The following RALYL variants were observed in gnomAD, a reference collection of about 807,000 sequenced individuals.
RALYL encodes the protein RNA-binding Raly-like protein.
Under a neutral mutation model 35.1 loss-of-function variants are expected in RALYL, and 29 were observed. The observed-to-expected ratio is 0.83, with a 90% CI of 0.61 to 1.13. RALYL has a LOEUF of 1.13. RALYL is among the 50% of genes most tolerant of loss of function. The pLI, the probability that RALYL is intolerant of heterozygous loss-of-function variation, is 0.00. For synonymous variants in RALYL, 120 were observed against 127.6 expected (o/e 0.94, Z 0.40); for missense variants, 359 against 360.4 (o/e 1.00, Z 0.03).
At chr8:84,221,621 G>A (rs1822233587) in intron 1 of RALYL, among the ~76,000 whole-genome samples, 1 of 151,982 alleles carries the variant, frequency 6.6e-6, no homozygotes, top group Non-Finnish European at 1.5e-5. Context: ...GGTACTGTAT[G>A]TCAAATATTC....
At chr8:84,433,141 G>A (rs1057436529) in intron 1 of RALYL, among the ~76,000 whole-genome samples, 2 of 152,132 alleles carry the variant, frequency 1.3e-5, no homozygotes, top group Non-Finnish European at 1.5e-5. Context: ...CTTCCTGTGT[G>A]TAATTTGCTA....
At chr8:84,319,880 CT>C (rs1310179180) in intron 1 of RALYL, among the ~76,000 whole-genome samples, 16 of 151,882 alleles carry the variant, frequency 1.1e-4, no homozygotes, top group African/African-American at 3.4e-4. Flanking sequence ...AATATAAATT[CT>C]TTAAGGTAAT....
chr8:84,702,565 A>ACACT (rs766882125), intron 2 of RALYL, among the ~76,000 whole-genome samples: 18 of 149,186 alleles, frequency 1.2e-4, no homozygotes, highest in Non-Finnish European at 2.4e-4. Flanking sequence ...ACACACACAC[A>ACACT]CTCATTCTTT....
chr8:84,750,998 G>A (rs1467222823), intron 2 of RALYL, among the ~76,000 whole-genome samples: 1 of 152,124 alleles, frequency 6.6e-6, no homozygotes, highest in East Asian at 1.9e-4. Context: ...AGGAAAGAAA[G>A]TGACTATAGT....
intron 3 of RALYL, among the ~76,000 whole-genome samples, chr8:84,794,025 G>T (rs924786261): frequency 2.6e-5 from 4 of 152,232 alleles, no homozygotes; most frequent in African/African-American, 9.7e-5. Context: ...ATCAGAGATG[G>T]TGAGGTTGAA....
chr8:84,469,295 T>C (rs1337479267), intron 1 of RALYL, among the ~76,000 whole-genome samples: 1 of 152,216 alleles, frequency 6.6e-6, no homozygotes, highest in East Asian at 1.9e-4. Context: ...TGGTCTTTGA[T>C]GATGGTGATG....
chr8:84,843,907 C>A (rs540326366), intron 4 of RALYL, among the ~76,000 whole-genome samples: 141 of 152,294 alleles, frequency 9.3e-4, no homozygotes, highest in African/African-American at 3.2e-3. Flanking sequence ...GGAAAACTGG[C>A]TAGCCATATG....
chr8:84,417,113 CAAA>C (rs1271233195), intron 1 of RALYL, among the ~76,000 whole-genome samples: 2 of 105,828 alleles, frequency 1.9e-5, no homozygotes, highest in Non-Finnish European at 1.9e-5. Flanking sequence ...GGAATTAGAA[CAAA>C]AAAAAAAAAA....
intron 2 of RALYL, among the ~76,000 whole-genome samples, chr8:84,581,059 G>C (rs1477939384): frequency 1.3e-5 from 2 of 152,136 alleles, no homozygotes; most frequent in African/African-American, 4.8e-5. Context: ...CCTCCTCACT[G>C]CTTGGCATCT....
At chr8:84,225,928 G>C (rs1238717667) in intron 1 of RALYL, among the ~76,000 whole-genome samples, 1 of 152,152 alleles carries the variant, frequency 6.6e-6, no homozygotes, top group African/African-American at 2.4e-5. Flanking sequence ...ATGAATGACT[G>C]AGAAGAAATG....
At chr8:84,618,472 A>G (rs2131010686) in intron 2 of RALYL, among the ~76,000 whole-genome samples, 1 of 146,582 alleles carries the variant, frequency 6.8e-6, no homozygotes, top group Admixed American at 6.8e-5. Context: ...CGTCTATTTG[A>G]TTCTTCTCTC....
chr8:84,575,276 A>G (rs1225240781), intron 2 of RALYL, among the ~76,000 whole-genome samples: 2 of 152,194 alleles, frequency 1.3e-5, no homozygotes, highest in Non-Finnish European at 2.9e-5. Flanking sequence ...ACATAAACAT[A>G]AAATCTTGTA....
In RALYL at chr8:84,596,647, T is replaced by C. The variant is rs564466239; in HGVS notation, c.256+67070T>C. On this transcript the variant is annotated intron_variant, in intron 2 of 8. Coordinates refer to ENST00000521268, the MANE Select transcript of RALYL (RefSeq NM_173848.7). ...GTCAACCCAACCCAAACTGCAGAAG[T>C]GAGTTACTTTTCTCAGTGTCTGTGG... Among the ~76,000 whole-genome samples, 17 of 152,190 alleles carry C rather than the reference T, an allele frequency of 1.1e-4. No individual in the cohort carries two copies. In the South Asian group the frequency reaches 3.5e-3, roughly 32 times the overall value.
At chr8:84,874,128 T>C (rs1319214923) in intron 7 of RALYL, among the ~76,000 whole-genome samples, 1 of 152,174 alleles carries the variant, frequency 6.6e-6, no homozygotes, top group Non-Finnish European at 1.5e-5. Flanking sequence ...GGAGTTAAGA[T>C]GGGGATTAGG....
intron 1 of RALYL, among the ~76,000 whole-genome samples, chr8:84,513,595 T>C (rs2057800747): frequency 6.6e-6 from 1 of 152,194 alleles, no homozygotes; most frequent in African/African-American, 2.4e-5. Flanking sequence ...TGGACTTTGT[T>C]GCTGACATTT....
At chr8:84,816,286 A>C (rs1191152953) in intron 4 of RALYL, among the ~76,000 whole-genome samples, 1 of 152,114 alleles carries the variant, frequency 6.6e-6, no homozygotes, top group Non-Finnish European at 1.5e-5. Context: ...CCTTGCAGAC[A>C]CTGAGCCACT....
chr8:84,496,831 C>A (rs1277872112), intron 1 of RALYL, among the ~76,000 whole-genome samples: 1 of 152,026 alleles, frequency 6.6e-6, no homozygotes, highest in East Asian at 1.9e-4. Context: ...CAACCTTATC[C>A]CATTTTTAAG....
chr8:84,401,637 C>CAAA (rs71271985), intron 1 of RALYL, among the ~76,000 whole-genome samples: 240 of 17,404 alleles, frequency 0.014, 29 homozygotes, highest in Middle Eastern at 0.045. Context: ...GACTCTGTCT[C>CAAA]AAAAAAAAAA....
At chr8:84,621,493 G>C (rs1178513648) in intron 2 of RALYL, among the ~76,000 whole-genome samples, 1 of 152,102 alleles carries the variant, frequency 6.6e-6, no homozygotes, top group East Asian at 1.9e-4. Context: ...TGCGCCCACT[G>C]TCTGGCACTC....
Sources: gnomAD v4.1 joint callset for allele counts (sites outside exome capture counted in the v4.1 genomes callset) on GRCh38, gnomAD v4.1.1 for gene constraint, MANE v1.5 for transcripts, NCBI Gene and HGNC (gene_info 2026-07-23, HGNC 2026-07-21) for gene names.